DBF4: variants seen among roughly 807,000 people sequenced by gnomAD.
DBF4 encodes the protein protein DBF4 homolog A.
A neutral mutation model predicts 76.6 loss-of-function variants in DBF4; 25 were observed. That is an observed-to-expected ratio of 0.33 (90% CI 0.24 to 0.46). The LOEUF is 0.46. Ranked by LOEUF, DBF4 falls within the 20% of genes least tolerant of loss-of-function variation. The pLI, the probability that DBF4 is intolerant of heterozygous loss-of-function variation, is 1.00. For synonymous variants in DBF4, 213 were observed against 258.0 expected (o/e 0.83, Z 1.67); for missense variants, 638 against 760.8 (o/e 0.84, Z 1.90).
chr7:87,893,236 CT>C (rs869114624), intron 6 of DBF4, among the ~76,000 whole-genome samples: 311 of 126,744 alleles, frequency 2.5e-3, no homozygotes, highest in East Asian at 0.011. Flanking sequence ...ATTTAATATT[CT>C]TTTTTTTTTT....
chr7:87,903,407 A>C (rs1016127271), intron 10 of DBF4, among the ~76,000 whole-genome samples: 3 of 152,042 alleles, frequency 2.0e-5, no homozygotes, highest in Non-Finnish European at 4.4e-5. Flanking sequence ...AATGAGAATA[A>C]CTTCTGTATA....
intron 1 of DBF4, 108 bp from the exon 2 acceptor site, chr7:87,877,945 A>G: frequency 1.1e-6 from 1 of 934,292 alleles, no homozygotes; most frequent in Non-Finnish European, 1.6e-6. Context: ...TAATAACTTA[A>G]ACTGGTAGGG....
chr7:87,896,598 A>C, intron 7 of DBF4, 88 bp downstream of exon 7: 2 of 1,190,490 alleles, frequency 1.7e-6, no homozygotes, highest in Non-Finnish European at 2.4e-6. Flanking sequence ...CACCCTCTAA[A>C]TGATTTATTC....
At chr7:87,906,181 T>C (rs1442251881) in intron 11 of DBF4, among the ~76,000 whole-genome samples, 12 of 151,444 alleles carry the variant, frequency 7.9e-5, no homozygotes, top group Non-Finnish European at 1.0e-4. Flanking sequence ...ACAAAAAAAC[T>C]ATGTGGGCTA....
Position 87,904,356 on chromosome 7 carries a change from T to G in DBF4, c.989T>G (p.Ile330Ser). 3 of 1,613,890 alleles carry G rather than the reference T, an allele frequency of 1.9e-6. No homozygotes were observed. The highest frequency in any genetic ancestry group is 1.7e-5 in the Admixed American group (1 of 59,998). Residue 330 changes from isoleucine (I) to serine (S), a missense_variant, in exon 11 of 12, where the codon ATT becomes AGT. Coordinates refer to ENST00000265728, the MANE Select transcript of DBF4 (RefSeq NM_006716.4). The stretch of plus-strand genomic sequence containing the variant: ...AACCAGTATCAAGTTGTTGATGATA[T>G]TGTATCTAAGTTAGTTTTTGACTTT... ...QSNQYQVVDD[I>S]VSKLVFDFVE... is the part of the protein sequence containing the mutation.
In DBF4 at chr7:87,907,820, G is replaced by T. The variant is rs556430542; in HGVS notation, c.1682G>T (p.Cys561Phe). Reference protein sequence around the residue: ...FHTPPEEPNECDFKNMDSLPS... With the variant: ...FHTPPEEPNEFDFKNMDSLPS... ...ACTCCTCCTGAGGAACCCAATGAAT[G>T]TGACTTCAAGAATATGGATAGTTTA... is the stretch of plus-strand genomic sequence containing the variant. Residue 561 changes from cysteine to phenylalanine, a missense_variant, in exon 12 of 12, where the codon TGT becomes TTT. By Grantham distance (205) the Cys-to-Phe change is radical (BLOSUM62 -2). Coordinates refer to ENST00000265728, the MANE Select transcript of DBF4 (RefSeq NM_006716.4). 6.2e-7 allele frequency: 1 copy of T among 1,613,944 alleles called. No homozygotes were observed.
At position 87,908,329 on chromosome 7, in the gene DBF4, T is replaced by TAA; in HGVS notation, c.*168_*169dup. The TAA allele has an allele frequency of 5.0e-6, 3 of 605,068 alleles. No homozygotes were observed. The highest frequency in any genetic ancestry group is 7.4e-6 in the Non-Finnish European group (3 of 405,858). 37.5% of individuals were successfully genotyped at this position (605,068 alleles called of 1,614,324 possible). Reference sequence around the variant, plus strand: ...ATTTTCTACAGAATTGAATACCTGTTAAAGAAAAATTACAGAATAAACTTG... The same window carrying TAA: ...ATTTTCTACAGAATTGAATACCTGTTAAAAAGAAAAATTACAGAATAAACTTG... On this transcript the variant is annotated 3_prime_UTR_variant, in exon 12 of 12. Transcript: ENST00000265728.
In DBF4 at chr7:87,896,468, T is replaced by C; in HGVS notation, c.598-6T>C. ...GCCAATCTTTTCACTATATATTTTT[T>C]TTTAGGGCAAAAGAGTTGGTAGTGG... is the stretch of plus-strand genomic sequence containing the variant. On this transcript the variant is annotated splice_polypyrimidine_tract_variant and splice_region_variant and intron_variant, in intron 6 of 11. Transcript: ENST00000265728. The C allele has an allele frequency of 6.2e-7, 1 of 1,610,906 alleles. No homozygotes were observed. Among genetic ancestry groups the C allele is most frequent in the Non-Finnish European group, 8.5e-7 (1 of 1,178,588 alleles).
At chr7:87,882,255 G>A (rs555870111) in intron 2 of DBF4, among the ~76,000 whole-genome samples, 2 of 152,256 alleles carry the variant, frequency 1.3e-5, no homozygotes, top group African/African-American at 4.8e-5. Flanking sequence ...TCAACAGCTG[G>A]TGCTGGGAAA....
Position 87,908,139 on chromosome 7 carries a change from A to T in DBF4, c.2001A>T (p.Ser667=). The T allele has an allele frequency of 6.9e-6, 11 of 1,593,452 alleles. No homozygotes were observed. Among genetic ancestry groups the T allele is most frequent in the Non-Finnish European group, 9.4e-6 (11 of 1,170,914 alleles). The change falls in exon 12 of 12, where the codon TCA becomes TCT. Residue 667 remains serine (S), a synonymous_variant. Coordinates refer to ENST00000265728, the MANE Select transcript of DBF4 (RefSeq NM_006716.4). ...TAACAGCGTTTTTCTCGTCCCCTTC[A>T]ACTTCTACATTTACTGGCTTTTAGA... The part of the protein sequence containing the change: ...NLLTAFFSSP[S]TSTFTGF
chr7:87,904,285 GT>G lies in DBF4; in HGVS notation c.925-3del. On this transcript the variant is annotated splice_polypyrimidine_tract_variant and splice_region_variant and intron_variant, in intron 10 of 11. Transcript: ENST00000265728. The stretch of plus-strand genomic sequence containing the variant: ...TTTTTTGATACATGTTTTTAATTTT[GT>G]TTTAGCACCTTCTAAGTGAGCAACA... 6.3e-7 allele frequency: 1 copy of G among 1,584,732 alleles called. No homozygotes were observed. The highest frequency in any genetic ancestry group is 1.2e-5 in the South Asian group (1 of 85,424).
At position 87,886,824 on chromosome 7, in the gene DBF4, T is replaced by A; in HGVS notation, c.400-20T>A. On this transcript the variant is annotated intron_variant, in intron 3 of 11. Transcript: ENST00000265728. Reference sequence around the variant, plus strand: ...CTCCAGTTAAGCACTATGTTTTAAATTTTTCTGGTCTTTTTATAGGTGTGT... The same window carrying A: ...CTCCAGTTAAGCACTATGTTTTAAAATTTTCTGGTCTTTTTATAGGTGTGT... 6.7e-7 allele frequency: 1 copy of A among 1,485,282 alleles called. No homozygotes were observed. Among genetic ancestry groups the A allele is most frequent in the Non-Finnish European group, 9.3e-7 (1 of 1,072,924 alleles). The allele number at this position is 1,485,282 out of a possible 1,614,324, so 92.0% of individuals were successfully genotyped here.
At chr7:87,877,848 A>G (rs1839108332) in intron 1 of DBF4, among the ~76,000 whole-genome samples, 1 of 152,240 alleles carries the variant, frequency 6.6e-6, no homozygotes, top group South Asian at 2.1e-4. Flanking sequence ...TGAGTCAACT[A>G]TTATTTTACA....
At chr7:87,892,974 G>A (rs1225104993) in intron 6 of DBF4, among the ~76,000 whole-genome samples, 1 of 152,144 alleles carries the variant, frequency 6.6e-6, no homozygotes, top group Non-Finnish European at 1.5e-5. Context: ...TCCATGTGCA[G>A]TTGAAGAAAA....
Position 87,878,245 on chromosome 7 carries a change from T to C in DBF4, c.219+20T>C. 6.3e-7 allele frequency: 1 copy of C among 1,575,528 alleles called. No homozygotes were observed. Among genetic ancestry groups the C allele is most frequent in the Non-Finnish European group, 8.6e-7 (1 of 1,164,952 alleles). Reference sequence around the variant, plus strand: ...GGAGGGGTAAGTGAAAACCGTACACTGGCATAGAAGGAAAAATTTGTAACT... The same window carrying C: ...GGAGGGGTAAGTGAAAACCGTACACCGGCATAGAAGGAAAAATTTGTAACT... On this transcript the variant is annotated intron_variant, in intron 2 of 11. Coordinates refer to ENST00000265728, the MANE Select transcript of DBF4 (RefSeq NM_006716.4).
intron 4 of DBF4, 100 bp downstream of exon 4, chr7:87,886,994 G>A (rs1839371679): frequency 2.5e-6 from 2 of 806,298 alleles, no homozygotes; most frequent in Non-Finnish European, 3.9e-6. Flanking sequence ...ACATTTTTAG[G>A]CAAAAACCTG....
rs995703950 is a variant in DBF4, at chr7:87,887,902, T to A, written c.521-81T>A. The A allele has an allele frequency of 4.6e-6, 6 of 1,292,706 alleles. No homozygotes were observed. The East Asian group carries it at 1.6e-4, about 34-fold the overall frequency. 80.1% of individuals were successfully genotyped at this position (1,292,706 alleles called of 1,614,324 possible). ...TACCTATAATGGTAAATTCTTTATC[T>A]AATTTAACTACAAGAAAATATCACT... On this transcript the variant is annotated intron_variant, in intron 5 of 11. Coordinates refer to ENST00000265728, the MANE Select transcript of DBF4 (RefSeq NM_006716.4).
At chr7:87,904,224 C>A (rs1441077927) in intron 10 of DBF4, 68 bp from the exon 11 acceptor site, 1 of 1,487,736 alleles carries the variant, frequency 6.7e-7, no homozygotes, top group African/African-American at 1.4e-5. Flanking sequence ...GTTAGAAAAC[C>A]TTAATTAAAA....
chr7:87,881,393 C>A (rs1839210881), intron 2 of DBF4, among the ~76,000 whole-genome samples: 1 of 152,152 alleles, frequency 6.6e-6, no homozygotes, highest in Non-Finnish European at 1.5e-5. Context: ...GGCAACAGAG[C>A]GAGACTGTGT....
Sources: gnomAD v4.1 joint callset for allele counts (sites outside exome capture counted in the v4.1 genomes callset) on GRCh38, gnomAD v4.1.1 for gene constraint, MANE v1.5 for transcripts, NCBI Gene and HGNC (gene_info 2026-07-23, HGNC 2026-07-21) for gene names.